FLII: variants seen among roughly 807,000 people sequenced by gnomAD.
FLII encodes the protein FLII actin remodeling protein.
A neutral mutation model predicts 156.2 loss-of-function variants in FLII; 101 were observed. The observed-to-expected ratio is 0.65, with a 90% CI of 0.55 to 0.76. The LOEUF (loss-of-function observed/expected upper bound fraction) is 0.76, where lower values mean the gene tolerates loss of function less well. Among genes scored for constraint, FLII ranks in the 30% least tolerant of loss-of-function variants. FLII has a pLI of 0.00. For synonymous variants in FLII, 767 were observed against 685.8 expected (o/e 1.12, Z -1.85); for missense variants, 1,675 against 1,682.8 (o/e 1.00, Z 0.08).
At chr17:18,254,207 G>T (rs1371480417) in intron 6 of FLII, 25 bp from the exon 7 acceptor site, 4 of 1,567,026 alleles carry the variant, frequency 2.6e-6, no homozygotes, top group Non-Finnish European at 1.7e-6. Context: ...TGAGTGGTCA[G>T]GGCCAGGGCC....
intron 7 of FLII, 126 bp from the exon 8 acceptor site, chr17:18,253,845 G>A (rs1219119051): frequency 1.9e-6 from 2 of 1,033,580 alleles, no homozygotes; most frequent in African/African-American, 3.2e-5. Flanking sequence ...CAACTGCTGT[G>A]CGCCCAAGTT....
intron 12 of FLII, 51 bp from the exon 13 acceptor site, chr17:18,251,528 C>T (rs777780775): frequency 4.2e-5 from 66 of 1,570,976 alleles, no homozygotes; most frequent in South Asian, 7.0e-5. Flanking sequence ...CCACTCAGGC[C>T]AGTCTTTACT....
chr17:18,253,480 G>C (rs201192652), intron 8 of FLII, 22 bp from the exon 9 acceptor site: 3 of 1,613,758 alleles, frequency 1.9e-6, no homozygotes, highest in South Asian at 2.2e-5. Context: ...ACGGGCAGGG[G>C]TGGGAGGTCA....
In FLII at chr17:18,255,211, A is replaced by G; in HGVS notation, c.299T>C (p.Ile100Thr). The G allele has an allele frequency of 6.2e-7, 1 of 1,614,038 alleles. No individual in the cohort carries two copies. The highest frequency in any genetic ancestry group is 1.1e-5 in the South Asian group (1 of 91,086). Reference protein sequence around the residue: ...SLKNSGVPDDIFKLDDLSVLD... With the variant: ...SLKNSGVPDDTFKLDDLSVLD... ...GACTGAGAGATCATCTAGCTTGAAG[A>G]TGTCATCGGGGACTCCGGAATTCTT... The change falls in exon 4 of 30, where the codon ATC (isoleucine) becomes ACC (threonine). Residue 100 changes from isoleucine to threonine, a missense_variant. Coordinates refer to ENST00000327031, the MANE Select transcript of FLII (RefSeq NM_002018.4).
chr17:18,248,758 AC>A, intron 17 of FLII, 37 bp from the exon 18 acceptor site: 1 of 1,613,784 alleles, frequency 6.2e-7, no homozygotes, highest in Non-Finnish European at 8.5e-7. Context: ...CGAGGCTCAC[AC>A]CCCTTTCCTT....
chr17:18,246,986 T>C lies in FLII; in HGVS notation c.2743A>G (p.Lys915Glu). The C allele has an allele frequency of 6.2e-7, 1 of 1,614,100 alleles. No homozygotes were observed. Among genetic ancestry groups the C allele is most frequent in the Non-Finnish European group, 8.5e-7 (1 of 1,180,008 alleles). ...DGMEGFVLEG[K>E]KFARLPEEEF... The stretch of plus-strand genomic sequence containing the variant: ...TCTTCCGGCAGCCGCGCAAACTTCT[T>C]GCCCTCCAGCACGAAACCCTCCATG... Residue 915 changes from lysine to glutamate, a missense_variant, in exon 22 of 30, where the codon AAG becomes GAG. Around this residue, in one of 2 missense-constraint regions of FLII, gnomAD observed 1,332 missense variants for 1,269.3 expected, o/e 1.05. Transcript: ENST00000327031.
At chr17:18,252,658 G>T in intron 9 of FLII, 102 bp from the exon 10 acceptor site, 1 of 866,838 alleles carries the variant, frequency 1.2e-6, no homozygotes. Context: ...TAGGGTCAGA[G>T]GAACTGGCGG....
At chr17:18,246,140 T>G (rs773087341) in intron 25 of FLII, 22 bp downstream of exon 25, 1 of 1,614,180 alleles carries the variant, frequency 6.2e-7, no homozygotes, top group South Asian at 1.1e-5. Context: ...CACGGAGTCC[T>G]GGCTCACACC....
intron 20 of FLII, 119 bp from the exon 21 acceptor site, chr17:18,247,476 C>T: frequency 1.8e-6 from 2 of 1,135,968 alleles, no homozygotes; most frequent in Non-Finnish European, 1.3e-6. Flanking sequence ...GGAGGCGGGG[C>T]CTCGGACACG....
intron 1 of FLII, chr17:18,257,288 G>A (rs1307887380): frequency 4.4e-6 from 2 of 453,654 alleles, no homozygotes; most frequent in Non-Finnish European, 7.9e-6. Context: ...GCTTGTTTCA[G>A]GTGAAAGCCC....
intron 7 of FLII, 137 bp downstream of exon 7, chr17:18,253,942 A>G: frequency 1.3e-6 from 1 of 779,930 alleles, no homozygotes; most frequent in South Asian, 1.8e-5. Context: ...TCATAATCGC[A>G]AAAGTCACTG....
rs141022280 is a variant in FLII, at chr17:18,253,666, G to C, written c.733C>G (p.Leu245Val). ...AGGTTGAGGCGGCGCAGGCTGGGGA[G>C]GGTGTACAGACACTCGGGCACCCGT... ...LTRVPECLYT[L>V]PSLRRLNLSS... The change falls in exon 8 of 30, where the codon CTC (leucine) becomes GTC (valine). Residue 245 changes from leucine to valine, a missense_variant. Physicochemically the swap from Leu to Val is conservative, Grantham distance 32. This residue lies in a region of FLII where 343 missense variants were observed against 413.5 expected (regional missense o/e 0.83). Coordinates refer to ENST00000327031, the MANE Select transcript of FLII (RefSeq NM_002018.4). 1,506 of 1,613,708 alleles carry C rather than the reference G, an allele frequency of 9.3e-4. 1 individual carries two copies. Among genetic ancestry groups the C allele is most frequent in the Non-Finnish European group, 1.2e-3 (1,430 of 1,180,018 alleles).
In FLII at chr17:18,256,552, C is replaced by T; in HGVS notation, c.220G>A (p.Glu74Lys). 1 of 1,551,670 alleles carries T rather than the reference C, an allele frequency of 6.4e-7. No individual in the cohort carries two copies. Among genetic ancestry groups the T allele is most frequent in the Non-Finnish European group, 8.7e-7 (1 of 1,147,006 alleles). The change falls in exon 3 of 30, where the codon GAG becomes AAG. Residue 74 changes from glutamate to lysine, a missense_variant. Glu to Lys is a moderately conservative substitution (Grantham distance 56). Transcript: ENST00000327031. ...CGCAGCGATGGCAGGCTGGACAGCT[C>T]CCCATGAAGCGTGGTCAGGTTGTTG... ...SHNNLTTLHG[E>K]LSSLPSLRAI...
Position 18,246,288 on chromosome 17 carries a change from G to A in FLII, c.3206+20C>T, listed in dbSNP as rs900539410. On this transcript the variant is annotated intron_variant, in intron 24 of 29. Coordinates refer to ENST00000327031, the MANE Select transcript of FLII (RefSeq NM_002018.4). ...CTCCCTGACGCTTGCTCGCCACTGC[G>A]TCCTCCCCCAGCCAGGCACCGGGTG... 1.2e-6 allele frequency: 2 copies of A among 1,613,952 alleles called. No individual in the cohort carries two copies. Among genetic ancestry groups the A allele is most frequent in the East Asian group, 2.2e-5 (1 of 44,876 alleles).
chr17:18,257,775 C>T (rs117154210), intron 1 of FLII, among the ~76,000 whole-genome samples: 2,511 of 152,320 alleles, frequency 0.016, 29 homozygotes, highest in Non-Finnish European at 0.023. Context: ...CAGGTAAACG[C>T]AGGAAAAACC....
intron 3 of FLII, 23 bp downstream of exon 3, chr17:18,256,503 G>A (rs372228067): frequency 1.2e-4 from 188 of 1,544,626 alleles, no homozygotes; most frequent in Non-Finnish European, 1.6e-4. Flanking sequence ...CCCAAGCTCG[G>A]TGGCCTCCCG....
At position 18,246,059 on chromosome 17, in the gene FLII, G is replaced by A. The variant is rs2048038333; in HGVS notation, c.3271C>T (p.Pro1091Ser). Residue 1091 changes from proline to serine, a missense_variant, in exon 26 of 30, where the codon CCC becomes TCC. Pro to Ser is a moderately conservative substitution (Grantham distance 74). This residue lies in a region of FLII where 1,332 missense variants were observed against 1,269.3 expected (regional missense o/e 1.05). Coordinates refer to ENST00000327031, the MANE Select transcript of FLII (RefSeq NM_002018.4). ...CCCTGGTTGTCCTCACTCTCAAAGGGAACCTGGGGAGTGTGCAGGGGTGGG... is the reference window on the plus strand; with the variant it reads ...CCCTGGTTGTCCTCACTCTCAAAGGAAACCTGGGGAGTGTGCAGGGGTGGG... ...NSEFCFILKV[P>S]FESEDNQGIV... The A allele has an allele frequency of 4.3e-6, 7 of 1,614,006 alleles. No homozygotes were observed. The highest frequency in any genetic ancestry group is 1.7e-5 in the Admixed American group (1 of 59,992).
At chr17:18,249,074 G>T (rs1358074369) in intron 16 of FLII, 53 bp downstream of exon 16, 2 of 1,539,244 alleles carry the variant, frequency 1.3e-6, no homozygotes, top group Non-Finnish European at 1.8e-6. Flanking sequence ...GCCCCCACTG[G>T]TGGGGAGGAG....
Position 18,245,643 on chromosome 17 carries a change from C to T in FLII, c.3521G>A (p.Gly1174Asp), listed in dbSNP as rs1162098031. Residue 1174 changes from glycine to aspartate, a missense_variant, in exon 28 of 30, where the codon GGC (glycine) becomes GAC (aspartate). Around this residue, in one of 2 missense-constraint regions of FLII, gnomAD observed 1,332 missense variants for 1,269.3 expected, o/e 1.05. Coordinates refer to ENST00000327031, the MANE Select transcript of FLII (RefSeq NM_002018.4). Reference protein sequence around the residue: ...TRLFRCSNEKGYFAVTEKCSD... With the variant: ...TRLFRCSNEKDYFAVTEKCSD... The stretch of plus-strand genomic sequence containing the variant: ...GCATTTCTCAGTCACTGCAAAGTAG[C>T]CCTTCTCGTTGGAGCACCTGGGAAT... 1.2e-6 allele frequency: 2 copies of T among 1,613,740 alleles called. No homozygotes were observed. The highest frequency in any genetic ancestry group is 3.3e-5 in the Admixed American group (2 of 60,006).
Sources: gnomAD v4.1 joint callset for allele counts (sites outside exome capture counted in the v4.1 genomes callset) on GRCh38, gnomAD v4.1.1 for gene constraint, gnomAD v4.1.1 regional missense constraint, MANE v1.5 for transcripts, NCBI Gene and HGNC (gene_info 2026-07-23, HGNC 2026-07-21) for gene names.